PTPRD: variants seen among roughly 807,000 people sequenced by gnomAD.
PTPRD encodes protein tyrosine phosphatase receptor type D.
Under a neutral mutation model 214.5 loss-of-function variants are expected in PTPRD, and 34 were observed. The observed-to-expected ratio is 0.16, with a 90% CI of 0.12 to 0.21. PTPRD has a LOEUF of 0.21. Ranked by LOEUF, PTPRD falls within the 10% of genes least tolerant of loss-of-function variation. The probability of loss-of-function intolerance (pLI) is 1.00; values close to 1 mark genes in which losing one functional copy is unlikely to be tolerated. For synonymous variants in PTPRD, 1,128 were observed against 845.7 expected (o/e 1.33, Z -5.79); for missense variants, 2,545 against 2,398.7 (o/e 1.06, Z -1.27).
At chr9:9,879,190 C>T (rs2067835758) in intron 5 of PTPRD, among the ~76,000 whole-genome samples, 1 of 152,146 alleles carries the variant, frequency 6.6e-6, no homozygotes, top group Admixed American at 6.5e-5. Flanking sequence ...GTAGTATTTG[C>T]CCTTTTTTCT....
chr9:9,234,772 C>G (rs1203181321), intron 9 of PTPRD, among the ~76,000 whole-genome samples: 1 of 152,130 alleles, frequency 6.6e-6, no homozygotes, highest in Non-Finnish European at 1.5e-5. Context: ...CATCTGAGAC[C>G]ACCTCAGCCT....
intron 9 of PTPRD, among the ~76,000 whole-genome samples, chr9:9,296,039 G>T (rs1952897999): frequency 6.6e-6 from 1 of 151,674 alleles, no homozygotes; most frequent in Admixed American, 6.6e-5. Context: ...TGGTAATGAG[G>T]ACTCAGATGA....
chr9:9,525,820 T>C (rs924774864), intron 8 of PTPRD, among the ~76,000 whole-genome samples: 1 of 152,080 alleles, frequency 6.6e-6, no homozygotes, highest in South Asian at 2.1e-4. Flanking sequence ...TAAACTTTTT[T>C]TTTTTTGTAC....
chr9:9,098,867 C>T lies in PTPRD; in HGVS notation c.-142-80132G>A, dbSNP rs561951329. On this transcript the variant is annotated intron_variant, in intron 10 of 45. Transcript: ENST00000381196. ...CAGGAGAATTACATGAACATATTCA[C>T]AGTGGTATTGTCTATATTTGTAAAA... 1.1e-4 allele frequency among the ~76,000 whole-genome samples: 16 copies of T among 152,266 alleles called. No individual in the cohort carries two copies. In the Middle Eastern group the frequency reaches 0.01, roughly 97 times the overall value.
At chr9:9,722,800 C>T (rs1411346525) in intron 7 of PTPRD, among the ~76,000 whole-genome samples, 2 of 151,982 alleles carry the variant, frequency 1.3e-5, no homozygotes, top group South Asian at 2.1e-4. Context: ...ATTTGCCTTT[C>T]TTTGTTAACT....
chr9:8,536,103 T>A (rs1294679740), intron 14 of PTPRD, among the ~76,000 whole-genome samples: 1 of 151,982 alleles, frequency 6.6e-6, no homozygotes, highest in Non-Finnish European at 1.5e-5. Context: ...AATATTGTTA[T>A]TTGTTTCATA....
intron 44 of PTPRD, among the ~76,000 whole-genome samples, chr9:8,330,465 A>AAAC (rs1839095398): frequency 6.6e-6 from 1 of 152,208 alleles, no homozygotes; most frequent in African/African-American, 2.4e-5. Flanking sequence ...ATCTGGAACT[A>AAAC]AACTCCCATA....
At chr9:10,255,105 T>C (rs934442191) in intron 3 of PTPRD, among the ~76,000 whole-genome samples, 3 of 152,228 alleles carry the variant, frequency 2.0e-5, no homozygotes, top group Admixed American at 6.5e-5. Flanking sequence ...TTGCCAAGTA[T>C]AGTACAGAGT....
In PTPRD at chr9:8,317,886, G is replaced by T. The variant is rs1563853212; in HGVS notation, c.5727C>A (p.His1909Gln). The change falls in exon 46 of 46, where the codon CAC (histidine) becomes CAA (glutamine). Residue 1909 changes from histidine (H) to glutamine (Q), a missense_variant. Physicochemically the swap from His to Gln is conservative, Grantham distance 24. Coordinates refer to ENST00000381196, the MANE Select transcript of PTPRD (RefSeq NM_002839.4). ...GGGTCAGGGGTTTCTACGTTGCATA[G>T]TGGTCAAAGCTGCCCAGGTACTCTA... Reference protein sequence around the residue: ...AALEYLGSFDHYAT With the variant: ...AALEYLGSFDQYAT The T allele has an allele frequency of 6.2e-7, 1 of 1,612,100 alleles. No homozygotes were observed. Among genetic ancestry groups the T allele is most frequent in the African/African-American group, 1.3e-5 (1 of 74,742 alleles).
intron 3 of PTPRD, among the ~76,000 whole-genome samples, chr9:10,090,890 A>C (rs2098420644): frequency 6.8e-6 from 1 of 146,834 alleles, no homozygotes. Context: ...AATCTACACC[A>C]AAGGACATTT....
chr9:10,588,596 A>G (rs10959180), intron 2 of PTPRD, among the ~76,000 whole-genome samples: 56,342 of 151,904 alleles, frequency 0.37, 11,139 homozygotes, highest in Middle Eastern at 0.52. Flanking sequence ...ATATATTGAA[A>G]ATTATAAAGC....
intron 3 of PTPRD, among the ~76,000 whole-genome samples, chr9:10,124,789 T>C (rs2154251423): frequency 6.6e-6 from 1 of 152,366 alleles, no homozygotes; most frequent in East Asian, 1.9e-4. Flanking sequence ...ATTAATCATT[T>C]TATTTACATC....
At chr9:8,880,242 T>A (rs1228536178) in intron 11 of PTPRD, among the ~76,000 whole-genome samples, 1 of 152,162 alleles carries the variant, frequency 6.6e-6, no homozygotes, top group Non-Finnish European at 1.5e-5. Context: ...TAGCCATGTT[T>A]ATAATCACTG....
chr9:8,408,581 C>T (rs992193681), intron 35 of PTPRD, among the ~76,000 whole-genome samples: 23 of 152,144 alleles, frequency 1.5e-4, no homozygotes, highest in African/African-American at 5.3e-4. Flanking sequence ...ATACATGATA[C>T]GAAATACATA....
intron 8 of PTPRD, among the ~76,000 whole-genome samples, chr9:9,516,233 T>TCTAAATCAATGCAAACTCA (rs141279181): frequency 6.6e-6 from 1 of 151,600 alleles, no homozygotes; most frequent in Non-Finnish European, 1.5e-5. Context: ...CTACAGTCCA[T>TCTAAATCAATGCAAACTCA]CTAAATCTAT....
intron 5 of PTPRD, among the ~76,000 whole-genome samples, chr9:9,828,505 G>T (rs906934403): frequency 1.3e-5 from 2 of 152,092 alleles, no homozygotes; most frequent in Admixed American, 1.3e-4. Flanking sequence ...CTGTTGTGAG[G>T]TGTGGGGAGA....
intron 10 of PTPRD, among the ~76,000 whole-genome samples, chr9:9,109,341 T>C (rs533771192): frequency 6.6e-6 from 1 of 152,140 alleles, no homozygotes; most frequent in Non-Finnish European, 1.5e-5. Flanking sequence ...TGCTGAAGAA[T>C]GGTCATGAAG....
At chr9:9,184,092 C>T (rs771635890) in intron 9 of PTPRD, among the ~76,000 whole-genome samples, 23 of 151,906 alleles carry the variant, frequency 1.5e-4, no homozygotes, top group Non-Finnish European at 2.8e-4. Flanking sequence ...ACATATTAAA[C>T]TCTTATTCCT....
In PTPRD at chr9:9,286,746, A is replaced by G. The variant is rs553637316; in HGVS notation, c.-202-103383T>C. Among the ~76,000 whole-genome samples the G allele has an allele frequency of 6.0e-4, 91 of 150,510 alleles. 1 individual carries two copies. Among genetic ancestry groups the G allele is most frequent in the South Asian group, 4.8e-3 (23 of 4,746 alleles). On this transcript the variant is annotated intron_variant, in intron 9 of 45. Transcript: ENST00000381196. ...TTTTGCACATCTGTATCCCTTACTG[A>G]AACTATAATATAGGCCAGTGTCTCA... is the stretch of plus-strand genomic sequence containing the variant.
Sources: allele counts gnomAD v4.1 joint callset (sites outside exome capture counted in the v4.1 genomes callset), GRCh38; gene constraint gnomAD v4.1.1; transcripts MANE v1.5; gene names NCBI Gene and HGNC (gene_info 2026-07-23, HGNC 2026-07-21).